The following REPS2 variants were observed in gnomAD, a reference collection of about 807,000 sequenced individuals.
REPS2 encodes the protein RALBP1 associated Eps domain containing 2, also known as ralBP1-associated Eps domain-containing protein 2.
Under a neutral mutation model 53.6 loss-of-function variants are expected in REPS2, and 23 were observed. The observed-to-expected ratio is 0.43, with a 90% CI of 0.31 to 0.61. The LOEUF (loss-of-function observed/expected upper bound fraction) is 0.61. REPS2 is among the 20% of genes least tolerant of loss of function. The pLI is 0.11. For synonymous variants in REPS2, 238 were observed against 218.6 expected, an observed-to-expected ratio of 1.09 and a Z score of -0.78; for missense variants, 446 against 534.9, an observed-to-expected ratio of 0.83 and a Z score of 1.64.
intron 1 of REPS2, among the ~76,000 whole-genome samples, chrX:16,989,251 C>CA (rs35448158): frequency 0.012 from 1,075 of 91,953 alleles, 3 homozygotes; most frequent in African/African-American, 0.017. Context: ...ATCAATATGT[C>CA]AAAAAAAAAA....
intron 14 of REPS2, among the ~76,000 whole-genome samples, chrX:17,116,774 C>A (rs924098477): frequency 8.9e-6 from 1 of 112,113 alleles, no homozygotes; most frequent in Non-Finnish European, 1.9e-5. Flanking sequence ...TTTGAGGATT[C>A]TAAAATACTT....
intron 4 of REPS2, among the ~76,000 whole-genome samples, chrX:17,026,381 C>T: frequency 9.1e-6 from 1 of 110,417 alleles, no homozygotes; most frequent in Non-Finnish European, 1.9e-5. Flanking sequence ...GGGTTAGAAA[C>T]TAAATGGAGT....
At chrX:17,120,061 G>A (rs1410082766) in intron 14 of REPS2, among the ~76,000 whole-genome samples, 1 of 110,316 alleles carries the variant, frequency 9.1e-6, no homozygotes, top group Non-Finnish European at 1.9e-5. Context: ...ATTTTTAGTA[G>A]AGATAGGGTT....
intron 14 of REPS2, among the ~76,000 whole-genome samples, chrX:17,129,917 T>C (rs145289012): frequency 1.8e-5 from 2 of 112,079 alleles, no homozygotes; most frequent in East Asian, 5.6e-4. Context: ...CTGAAATTAT[T>C]ATCCTCTCTC....
At chrX:17,059,106 G>A (rs1333456519) in intron 8 of REPS2, among the ~76,000 whole-genome samples, 2 of 106,014 alleles carry the variant, frequency 1.9e-5, no homozygotes, top group African/African-American at 6.9e-5. Flanking sequence ...CACCTCCTGG[G>A]TTCATGCCAT....
At chrX:17,043,426 A>G (rs780187140) in intron 5 of REPS2, among the ~76,000 whole-genome samples, 3 of 110,231 alleles carry the variant, frequency 2.7e-5, no homozygotes, top group East Asian at 2.9e-4. Context: ...TGCTTGTTCT[A>G]CTGTTAACAG....
chrX:16,995,781 C>T (rs2061227241), intron 1 of REPS2, among the ~76,000 whole-genome samples: 1 of 111,910 alleles, frequency 8.9e-6, no homozygotes, highest in Admixed American at 9.5e-5. Flanking sequence ...AAGCTGGCTG[C>T]TCCAGGGCAC....
chrX:17,037,563 G>T (rs757384838), intron 5 of REPS2, among the ~76,000 whole-genome samples: 1 of 112,610 alleles, frequency 8.9e-6, no homozygotes, highest in East Asian at 2.8e-4. Context: ...TGATTCACCC[G>T]CCTTGGCCTC....
At chrX:17,190,126 T>G in the REPS2 span, among the ~76,000 whole-genome samples, 1 of 111,324 alleles carries the variant, frequency 9.0e-6, no homozygotes, top group Admixed American at 9.6e-5. Flanking sequence ...AGGGAAAAAT[T>G]TTAACCAGGG....
intron 2 of REPS2, among the ~76,000 whole-genome samples, chrX:17,011,388 G>A (rs186437991): frequency 2.0e-4 from 22 of 111,308 alleles, no homozygotes; most frequent in Admixed American, 1.4e-3. Context: ...GGGACCTGCT[G>A]TTACCTTTCT....
chrX:17,024,286 CAAACA>C (rs1323155687), intron 3 of REPS2, among the ~76,000 whole-genome samples: 1 of 103,547 alleles, frequency 9.7e-6, no homozygotes, highest in Non-Finnish European at 2.0e-5. Flanking sequence ...GACCCTGTCT[CAAACA>C]AACAAACAAA....
intron 3 of REPS2, 125 bp downstream of exon 3, chrX:17,022,396 G>A (rs2061588380): frequency 1.6e-6 from 1 of 637,043 alleles, no homozygotes; most frequent in African/African-American, 2.3e-5. Context: ...AGACTTGGAA[G>A]TGAGCCAGTA....
the REPS2 span, among the ~76,000 whole-genome samples, chrX:17,178,543 A>G: frequency 1.8e-5 from 2 of 112,403 alleles, no homozygotes; most frequent in African/African-American, 6.5e-5. Flanking sequence ...TGCCAAGGCC[A>G]TTAGGAAGTC....
intron 5 of REPS2, among the ~76,000 whole-genome samples, chrX:17,031,711 G>A (rs2061711037): frequency 9.0e-6 from 1 of 111,603 alleles, no homozygotes; most frequent in African/African-American, 3.3e-5. Context: ...CTTCTGGTGG[G>A]GGAGCAACAT....
At chrX:17,069,081 T>C (rs2062266573) in intron 10 of REPS2, among the ~76,000 whole-genome samples, 2 of 112,136 alleles carry the variant, frequency 1.8e-5, no homozygotes, top group Non-Finnish European at 3.8e-5. Flanking sequence ...ATACTTTGTA[T>C]AGTGCTTTAT....
At chrX:17,051,902 CCACT>C (rs1358882854) in intron 6 of REPS2, among the ~76,000 whole-genome samples, 1 of 111,957 alleles carries the variant, frequency 8.9e-6, no homozygotes, top group Non-Finnish European at 1.9e-5. Context: ...TCTCAAAATG[CCACT>C]AGGAATTCTT....
At chrX:17,179,830 C>A in the REPS2 span, among the ~76,000 whole-genome samples, 1 of 111,482 alleles carries the variant, frequency 9.0e-6, no homozygotes, top group Non-Finnish European at 1.9e-5. Flanking sequence ...GCAACCAGAA[C>A]ACCAGGCCAT....
intron 14 of REPS2, among the ~76,000 whole-genome samples, chrX:17,115,458 C>T (rs1192251128): frequency 1.8e-5 from 2 of 112,190 alleles, no homozygotes; most frequent in Non-Finnish European, 1.9e-5. Flanking sequence ...CCGAGACATT[C>T]CATTGCCCAG....
At chrX:17,008,917 C>T (rs1158410669) in intron 2 of REPS2, among the ~76,000 whole-genome samples, 1 of 111,185 alleles carries the variant, frequency 9.0e-6, no homozygotes, top group African/African-American at 3.3e-5. Context: ...TAAATGCCAC[C>T]ACCATCCTCA....
Sources: gnomAD v4.1 joint callset for allele counts (sites outside exome capture counted in the v4.1 genomes callset) on GRCh38, gnomAD v4.1.1 for gene constraint, MANE v1.5 for transcripts, NCBI Gene and HGNC (gene_info 2026-07-23, HGNC 2026-07-21) for gene names.